Variants in RXRG observed in about 807,000 individuals in gnomAD.
The protein encoded by RXRG is retinoid X receptor gamma.
RXRG carries 19 observed loss-of-function variants against 49.2 expected under a neutral mutation model. That is an observed-to-expected ratio of 0.39 (90% CI 0.27 to 0.57). RXRG has a LOEUF of 0.57. Among genes scored for constraint, RXRG ranks in the 20% least tolerant of loss-of-function variants. The pLI is 0.64. For missense variants in RXRG, 452 were observed against 592.5 expected, an observed-to-expected ratio of 0.76 and a Z score of 2.46; for synonymous variants, 224 against 216.6, an observed-to-expected ratio of 1.03 and a Z score of -0.30.
intron 3 of RXRG, among the ~76,000 whole-genome samples, chr1:165,419,615 C>A (rs551900813): frequency 2.0e-5 from 3 of 152,282 alleles, no homozygotes; most frequent in Admixed American, 2.0e-4. Context: ...CTCTCAGATA[C>A]ATGTGTAATA....
intron 8 of RXRG, among the ~76,000 whole-genome samples, chr1:165,407,940 T>G (rs1382323843): frequency 6.6e-6 from 1 of 152,148 alleles, no homozygotes; most frequent in Non-Finnish European, 1.5e-5. Context: ...CACAGTGGCT[T>G]TATCTAGAAA....
chr1:165,406,297 C>T (rs1657747251), intron 9 of RXRG, among the ~76,000 whole-genome samples: 1 of 152,192 alleles, frequency 6.6e-6, no homozygotes, highest in Admixed American at 6.5e-5. Flanking sequence ...ACACGTGGCA[C>T]CCTGGGGACC....
chr1:165,406,451 C>T (rs61800575), intron 9 of RXRG, among the ~76,000 whole-genome samples: 20,882 of 152,280 alleles, frequency 0.14, 1,676 homozygotes, highest in Middle Eastern at 0.23. Context: ...TCACCTCCAC[C>T]GCGTGCTAGC....
At chr1:165,438,823 A>C (rs1658894586) in intron 1 of RXRG, among the ~76,000 whole-genome samples, 1 of 152,242 alleles carries the variant, frequency 6.6e-6, no homozygotes, top group South Asian at 2.1e-4. Context: ...GTCATGGTAT[A>C]AACTAGTTTG....
intron 1 of RXRG, chr1:165,436,907 C>A (rs972552427): frequency 1.8e-6 from 2 of 1,105,794 alleles, no homozygotes; most frequent in African/African-American, 3.3e-5. Context: ...TCAGAATTAA[C>A]AACCAAACTT....
At chr1:165,418,628 C>T (rs1050484627) in intron 3 of RXRG, among the ~76,000 whole-genome samples, 2 of 152,164 alleles carry the variant, frequency 1.3e-5, no homozygotes, top group Non-Finnish European at 2.9e-5. Context: ...GCTGAACTCA[C>T]AGCAATGATA....
chr1:165,414,752 G>A (rs568788623), intron 4 of RXRG, among the ~76,000 whole-genome samples: 10 of 152,284 alleles, frequency 6.6e-5, no homozygotes, highest in African/African-American at 2.2e-4. Context: ...TTCTTCACCA[G>A]CAGGTATTTC....
chr1:165,410,909 C>T, intron 5 of RXRG, 40 bp downstream of exon 5: 1 of 1,613,086 alleles, frequency 6.2e-7, no homozygotes, highest in Non-Finnish European at 8.5e-7. Flanking sequence ...CCAGCCCTAC[C>T]CAAGAAATGG....
chr1:165,408,446 A>C, intron 7 of RXRG, 128 bp from the exon 8 acceptor site: 1 of 666,082 alleles, frequency 1.5e-6, no homozygotes. Flanking sequence ...TACTAGGGGT[A>C]CAGAAATGAA....
intron 2 of RXRG, among the ~76,000 whole-genome samples, chr1:165,426,721 CAG>C (rs1016178207): frequency 6.6e-6 from 1 of 152,086 alleles, no homozygotes; most frequent in African/African-American, 2.4e-5. Context: ...TCCAGAGAAA[CAG>C]AATCTATAGG....
chr1:165,421,320 G>A (rs1658304744), intron 2 of RXRG, among the ~76,000 whole-genome samples: 1 of 152,284 alleles, frequency 6.6e-6, no homozygotes, highest in South Asian at 2.1e-4. Flanking sequence ...CAACACATAT[G>A]TGATAGAAGA....
intron 4 of RXRG, among the ~76,000 whole-genome samples, chr1:165,414,224 T>C (rs1180515778): frequency 6.6e-6 from 1 of 152,242 alleles, no homozygotes; most frequent in Non-Finnish European, 1.5e-5. Flanking sequence ...TCCTAATTTT[T>C]ACTACTCAGC....
In RXRG at chr1:165,406,202, G is replaced by C. The variant is rs76188590; in HGVS notation, c.1244+610C>G. ...GCTAGATGGCCTCAGAGATCTGCTA[G>C]ATGGCCTCAGAGATCTGCTAGACCA... is the stretch of plus-strand genomic sequence containing the variant. On this transcript the variant is annotated intron_variant, in intron 9 of 9. Coordinates refer to ENST00000359842, the MANE Select transcript of RXRG (RefSeq NM_006917.5). 4.9e-3 allele frequency among the ~76,000 whole-genome samples: 744 copies of C among 152,268 alleles called. 8 individuals are homozygous for C. Among genetic ancestry groups the C allele is most frequent in the African/African-American group, 0.017 (716 of 41,564 alleles).
At chr1:165,411,608 C>T (rs1383117071) in intron 4 of RXRG, among the ~76,000 whole-genome samples, 2 of 152,132 alleles carry the variant, frequency 1.3e-5, no homozygotes, top group Non-Finnish European at 2.9e-5. Flanking sequence ...TCACCTGATC[C>T]GACTTGTCAG....
At chr1:165,440,884 T>G (rs1658962568) in intron 1 of RXRG, among the ~76,000 whole-genome samples, 1 of 152,242 alleles carries the variant, frequency 6.6e-6, no homozygotes, top group Non-Finnish European at 1.5e-5. Flanking sequence ...TATTCAGCTC[T>G]CTATCTCTTG....
intron 2 of RXRG, among the ~76,000 whole-genome samples, chr1:165,424,572 A>T (rs1028619522): frequency 1.3e-5 from 2 of 152,240 alleles, no homozygotes; most frequent in African/African-American, 4.8e-5. Context: ...AAAAGATTAC[A>T]CAATTCCTGC....
At chr1:165,437,090 G>A (rs1456232808) in intron 1 of RXRG, 1 of 1,353,430 alleles carries the variant, frequency 7.4e-7, no homozygotes, top group Non-Finnish European at 9.8e-7. Flanking sequence ...CATTTTACTG[G>A]TCACTAGTGT....
At position 165,428,882 on chromosome 1, in the gene RXRG, T is replaced by G. The variant is rs766657681; in HGVS notation, c.134A>C (p.Tyr45Ser). 22 of 1,613,972 alleles carry G rather than the reference T, an allele frequency of 1.4e-5. No individual in the cohort carries two copies. The South Asian group carries it at 2.1e-4, about 15-fold the overall frequency. The change falls in exon 2 of 10, where the codon TAC (tyrosine) becomes TCC (serine). Residue 45 changes from tyrosine to serine, a missense_variant. Around this residue, in one of 2 missense-constraint regions of RXRG, gnomAD observed 166 missense variants for 151.7 expected, o/e 1.09. Transcript: ENST00000359842. ...TGKPMDSHPSYTDTPVSAPRT... is the reference protein window; with the variant it reads ...TGKPMDSHPSSTDTPVSAPRT... ...TGGGGCACTCACTGGGGTATCTGTG[T>G]AGCTGGGGTGGCTGTCCATTGGCTT...
intron 1 of RXRG, among the ~76,000 whole-genome samples, chr1:165,431,426 T>C (rs776455954): frequency 1.6e-4 from 24 of 152,318 alleles, no homozygotes; most frequent in Middle Eastern, 3.4e-3. Context: ...ACGAGGCCAA[T>C]GTATACCTTG....
Sources: allele counts gnomAD v4.1 joint callset (sites outside exome capture counted in the v4.1 genomes callset), GRCh38; gene constraint gnomAD v4.1.1; regional missense constraint gnomAD v4.1.1; transcripts MANE v1.5; gene names NCBI Gene and HGNC (gene_info 2026-07-23, HGNC 2026-07-21).